The following TMEM117 variants were observed in gnomAD, a reference collection of about 807,000 sequenced individuals.
The protein encoded by TMEM117 is transmembrane protein 117.
A neutral mutation model predicts 52.4 loss-of-function variants in TMEM117; 27 were observed. The ratio of observed to expected loss-of-function variants is 0.51; its 90% CI spans 0.38 to 0.71. The LOEUF is 0.71. TMEM117 is among the 30% of genes least tolerant of loss of function. The probability of loss-of-function intolerance (pLI) is 0.00; values close to 1 mark genes in which losing one functional copy is unlikely to be tolerated. For synonymous variants in TMEM117, 215 were observed against 206.3 expected (o/e 1.04, Z -0.36); for missense variants, 556 against 630.5 (o/e 0.88, Z 1.26).
At chr12:44,395,523 G>C in the TMEM117 span, among the ~76,000 whole-genome samples, 1 of 152,214 alleles carries the variant, frequency 6.6e-6, no homozygotes, top group Non-Finnish European at 1.5e-5. Context: ...TCAGTGGCCA[G>C]TTATTGCCCA....
chr12:44,330,845 T>G (rs1951260282), intron 6 of TMEM117, among the ~76,000 whole-genome samples: 1 of 152,110 alleles, frequency 6.6e-6, no homozygotes, highest in South Asian at 2.1e-4. Context: ...CACTCACACA[T>G]GGAAGGAAAC....
intron 3 of TMEM117, chr12:44,009,635 C>T (rs17093999): frequency 0.047 from 11,076 of 236,028 alleles, 354 homozygotes; most frequent in South Asian, 0.081. Context: ...CTGGAACACT[C>T]GCTTTGGTTA....
chr12:44,238,930 C>T (rs1950030246), intron 5 of TMEM117, among the ~76,000 whole-genome samples: 1 of 152,070 alleles, frequency 6.6e-6, no homozygotes, highest in Non-Finnish European at 1.5e-5. Context: ...GTGCTTGATA[C>T]TGTATTTCTT....
chr12:44,300,970 T>TTATA (rs1401441136), intron 6 of TMEM117, among the ~76,000 whole-genome samples: 1 of 152,214 alleles, frequency 6.6e-6, no homozygotes, highest in African/African-American at 2.4e-5. Context: ...CATGCATTAC[T>TTATA]TATATAAAGG....
intron 5 of TMEM117, among the ~76,000 whole-genome samples, chr12:44,294,874 G>C (rs978387100): frequency 1.3e-5 from 2 of 152,156 alleles, no homozygotes; most frequent in African/African-American, 4.8e-5. Context: ...TAAAACTTGT[G>C]AATTGTTTAT....
chr12:44,142,007 A>G (rs1196740403), intron 3 of TMEM117, among the ~76,000 whole-genome samples: 1 of 152,194 alleles, frequency 6.6e-6, no homozygotes, highest in Non-Finnish European at 1.5e-5. Flanking sequence ...ACTTATAAGA[A>G]GAAGATGTTG....
At chr12:44,175,832 T>G (rs1949109349) in intron 4 of TMEM117, among the ~76,000 whole-genome samples, 1 of 152,154 alleles carries the variant, frequency 6.6e-6, no homozygotes, top group African/African-American at 2.4e-5. Context: ...TGCTGGAAAG[T>G]CAGGTATACA....
chr12:44,056,885 G>A (rs1947064100), intron 3 of TMEM117, among the ~76,000 whole-genome samples: 1 of 152,134 alleles, frequency 6.6e-6, no homozygotes, highest in Non-Finnish European at 1.5e-5. Flanking sequence ...AGAAACTGAG[G>A]CACAGAGAGG....
At chr12:44,315,610 C>A (rs778728132) in intron 6 of TMEM117, among the ~76,000 whole-genome samples, 8 of 152,066 alleles carry the variant, frequency 5.3e-5, no homozygotes, top group Non-Finnish European at 1.2e-4. Flanking sequence ...GTGGTCAGAG[C>A]ATATGGTGGG....
At chr12:43,800,716 CAATGG>C in the TMEM117 span, among the ~76,000 whole-genome samples, 1 of 152,130 alleles carries the variant, frequency 6.6e-6, no homozygotes, top group Non-Finnish European at 1.5e-5. Context: ...TCTAAACTAT[CAATGG>C]TTAGTAAGAT....
intron 3 of TMEM117, among the ~76,000 whole-genome samples, chr12:44,103,116 A>G (rs1349617992): frequency 6.6e-6 from 1 of 151,994 alleles, no homozygotes; most frequent in African/African-American, 2.4e-5. Flanking sequence ...AATACAAAGG[A>G]AAATTTTTAT....
chr12:43,888,366 A>G (rs1044436296), intron 2 of TMEM117, among the ~76,000 whole-genome samples: 6 of 152,136 alleles, frequency 3.9e-5, no homozygotes, highest in Admixed American at 3.3e-4. Flanking sequence ...GCCATCCATT[A>G]GCCATACAAC....
intron 4 of TMEM117, among the ~76,000 whole-genome samples, chr12:44,186,696 G>T (rs977975334): frequency 1.3e-5 from 2 of 152,030 alleles, no homozygotes; most frequent in African/African-American, 4.8e-5. Flanking sequence ...ATTTTACTGT[G>T]TCTAATATTA....
intron 5 of TMEM117, chr12:44,244,564 G>T (rs1950105698): frequency 6.6e-6 from 1 of 151,362 alleles, no homozygotes; most frequent in Admixed American, 6.6e-5. Context: ...TCTTAATATT[G>T]AATAGTTTGA....
At chr12:44,015,248 C>A (rs1026040530) in intron 3 of TMEM117, among the ~76,000 whole-genome samples, 1 of 152,192 alleles carries the variant, frequency 6.6e-6, no homozygotes, top group African/African-American at 2.4e-5. Flanking sequence ...TTAAGTCAGT[C>A]ATTGTATCCA....
At chr12:44,084,247 A>T (rs1947530079) in intron 3 of TMEM117, among the ~76,000 whole-genome samples, 1 of 152,128 alleles carries the variant, frequency 6.6e-6, no homozygotes, top group African/African-American at 2.4e-5. Flanking sequence ...TGACATTTTT[A>T]TGTTATTTAA....
upstream of TMEM117, among the ~76,000 whole-genome samples, chr12:43,831,570 GTC>G (rs1232793577): frequency 2.1e-5 from 3 of 143,566 alleles, no homozygotes; most frequent in Non-Finnish European, 3.0e-5. Context: ...TTTAGACCAA[GTC>G]TCACTCTGTC....
intron 3 of TMEM117, among the ~76,000 whole-genome samples, chr12:44,066,606 G>A (rs1947225197): frequency 6.6e-6 from 1 of 152,188 alleles, no homozygotes; most frequent in Non-Finnish European, 1.5e-5. Flanking sequence ...TCTAGTTAGT[G>A]TGCAGTAGTC....
chr12:44,226,333 A>C (rs1299459025), intron 5 of TMEM117, among the ~76,000 whole-genome samples: 3 of 152,204 alleles, frequency 2.0e-5, no homozygotes. Flanking sequence ...GATAAAGGTC[A>C]CCAGAAATGC....
Sources: gnomAD v4.1 joint callset for allele counts (sites outside exome capture counted in the v4.1 genomes callset) on GRCh38, gnomAD v4.1.1 for gene constraint, MANE v1.5 for transcripts, NCBI Gene and HGNC (gene_info 2026-07-23, HGNC 2026-07-21) for gene names.